PSORS1C1: variants seen among roughly 807,000 people sequenced by gnomAD.
PSORS1C1 encodes the protein psoriasis susceptibility 1 candidate gene 1 protein.
PSORS1C1 carries 7 observed loss-of-function variants against 9.4 expected under a neutral mutation model. The ratio of observed to expected loss-of-function variants is 0.75; its 90% CI spans 0.42 to 1.40. The LOEUF (loss-of-function observed/expected upper bound fraction) is 1.40, where lower values mean the gene tolerates loss of function less well. Ranked by LOEUF, PSORS1C1 falls within the 40% of genes most tolerant of loss-of-function variation. The pLI, the probability that PSORS1C1 is intolerant of heterozygous loss-of-function variation, is 0.01. For missense variants in PSORS1C1, 146 were observed against 178.1 expected (o/e 0.82, Z 1.02); for synonymous variants, 63 against 69.4 (o/e 0.91, Z 0.46).
intron 1 of PSORS1C1, chr6:31,116,691 A>G: frequency 6.2e-7 from 1 of 1,612,744 alleles, no homozygotes; most frequent in Non-Finnish European, 8.5e-7. Flanking sequence ...TCATGCCTGG[A>G]ACCAGATAAC....
intron 2 of PSORS1C1, among the ~76,000 whole-genome samples, chr6:31,127,448 A>G (rs941523659): frequency 6.6e-6 from 1 of 152,122 alleles, no homozygotes; most frequent in Non-Finnish European, 1.5e-5. Context: ...GGACTAGAAC[A>G]TCTTCACCAG....
chr6:31,138,977 G>C (rs1237583432), intron 5 of PSORS1C1, 198 bp downstream of exon 5: 8 of 1,613,868 alleles, frequency 5.0e-6, no homozygotes, highest in South Asian at 4.4e-5. Context: ...CTCACCTCTG[G>C]TGTGCAGGCA....
chr6:31,138,007 C>G, intron 3 of PSORS1C1: 2 of 1,519,208 alleles, frequency 1.3e-6, no homozygotes, highest in Non-Finnish European at 1.8e-6. Flanking sequence ...GGTCGGTTGT[C>G]CACCTCAGGG....
At chr6:31,127,561 A>AATTATTGTTATTATT (rs1554342597) in intron 2 of PSORS1C1, among the ~76,000 whole-genome samples, 2 of 141,590 alleles carry the variant, frequency 1.4e-5, no homozygotes, top group Admixed American at 1.4e-4. Context: ...AGGAGACAGG[A>AATTATTGTTATTATT]ATTATTATTA....
At chr6:31,131,466 G>A (rs1015088020) in intron 3 of PSORS1C1, among the ~76,000 whole-genome samples, 12 of 152,120 alleles carry the variant, frequency 7.9e-5, no homozygotes, top group Admixed American at 5.2e-4. Context: ...GTATGGTGGC[G>A]GGTGCCTGTA....
intron 1 of PSORS1C1, chr6:31,120,375 G>C (rs755757570): frequency 2.3e-5 from 36 of 1,594,032 alleles, no homozygotes; most frequent in Non-Finnish European, 3.0e-5. Flanking sequence ...CCATCATCCC[G>C]TGCCCACCCA....
chr6:31,121,386 G>A (rs1772455741), intron 1 of PSORS1C1, among the ~76,000 whole-genome samples: 1 of 152,190 alleles, frequency 6.6e-6, no homozygotes, highest in African/African-American at 2.4e-5. Flanking sequence ...TGAGCGAGCA[G>A]GAAGCAGCAG....
chr6:31,117,485 C>G (rs1195365921), intron 1 of PSORS1C1: 2 of 1,552,366 alleles, frequency 1.3e-6, no homozygotes, highest in East Asian at 4.9e-5. Context: ...CGCGTGGGGT[C>G]CTTACAAGGG....
intron 1 of PSORS1C1, among the ~76,000 whole-genome samples, chr6:31,121,344 C>T (rs1005160375): frequency 6.6e-6 from 1 of 152,164 alleles, no homozygotes; most frequent in African/African-American, 2.4e-5. Context: ...AAGGTGGTGG[C>T]CCCATAGCCC....
chr6:31,117,330 G>C (rs1474677106), intron 1 of PSORS1C1: 1 of 1,578,124 alleles, frequency 6.3e-7, no homozygotes, highest in Non-Finnish European at 8.6e-7. Flanking sequence ...GGGCAATGCT[G>C]GATCCGCTGG....
intron 3 of PSORS1C1, among the ~76,000 whole-genome samples, chr6:31,135,915 CA>C (rs1476884779): frequency 2.0e-5 from 3 of 151,976 alleles, no homozygotes; most frequent in Admixed American, 2.0e-4. Context: ...AAAAATTAGT[CA>C]GGGGTGGTGC....
rs192099949 is a variant in PSORS1C1 at position 31,128,520 on chromosome 6, G to T, written c.-64-1049G>T. Among the ~76,000 whole-genome samples the T allele has an allele frequency of 6.1e-4, 93 of 152,254 alleles. No individual in the cohort carries two copies. In the East Asian group the frequency reaches 7.9e-3, roughly 13 times the overall value. ...GTTGAGATTATACTGCAAAAGGAAA[G>T]GTGGGGATGGGGTGGGGACTGGGGA... On this transcript the variant is annotated intron_variant, in intron 2 of 5. Coordinates refer to ENST00000259881, the MANE Select transcript of PSORS1C1 (RefSeq NM_014068.3). This position sits in a 1 kb window ranked among gnomAD's most constrained non-coding sequence, Gnocchi z 4.3.
intron 1 of PSORS1C1, chr6:31,116,798 A>AG (rs1306367187): frequency 6.2e-7 from 1 of 1,613,706 alleles, no homozygotes. Context: ...CCATTGCTAC[A>AG]GGGGGGACCT....
intron 1 of PSORS1C1, chr6:31,120,321 C>T (rs374334424): frequency 2.4e-5 from 37 of 1,563,204 alleles, no homozygotes; most frequent in Non-Finnish European, 3.0e-5. Flanking sequence ...TTCCCAGGGC[C>T]CCCAGCCTCC....
Position 31,114,860 on chromosome 6 carries a change from TCATGACTCCCAGAGAGGATGG to T in PSORS1C1, c.-256_-236del, listed in dbSNP as rs368869192. On this transcript the variant is annotated 5_prime_UTR_variant, in exon 1 of 6. An upstream start codon of the reference 5' UTR is lost. Transcript: ENST00000259881. ...TCCCAGAAACCCAGGAAATCGAGAC[TCATGACTCCCAGAGAGGATGG>T]CATCTAGAAGGTGAGGAATGCTAAT... 4.1e-4 allele frequency: 185 copies of T among 454,266 alleles called. No individual in the cohort carries two copies. The highest frequency in any genetic ancestry group is 2.3e-3 in the African/African-American group (115 of 49,464). 28.1% of individuals were successfully genotyped at this position (454,266 alleles called of 1,614,324 possible).
chr6:31,120,574 G>T, intron 1 of PSORS1C1: 1 of 700,242 alleles, frequency 1.4e-6, no homozygotes, highest in Non-Finnish European at 2.5e-6. Flanking sequence ...GCCGGGAGGA[G>T]CGTGGTAATC....
At chr6:31,138,873 G>A in intron 5 of PSORS1C1, 94 bp downstream of exon 5, 1 of 1,602,484 alleles carries the variant, frequency 6.2e-7, no homozygotes, top group Non-Finnish European at 8.5e-7. Flanking sequence ...TGCGTCCCCT[G>A]AATTCCTGTC....
intron 3 of PSORS1C1, among the ~76,000 whole-genome samples, chr6:31,130,315 C>T (rs767326701): frequency 6.6e-6 from 1 of 150,886 alleles, no homozygotes; most frequent in Non-Finnish European, 1.5e-5. Context: ...TGCAGTGGTG[C>T]AATCATATCT....
rs1447839976 is a variant in PSORS1C1, at chr6:31,138,434, A to G, written c.18A>G (p.Gln6=). The G allele has an allele frequency of 1.9e-6, 3 of 1,612,656 alleles. No individual in the cohort carries two copies. In the South Asian group the frequency reaches 3.3e-5, roughly 18 times the overall value. Residue 6 remains glutamine, a synonymous_variant, in exon 4 of 6, where the codon CAA becomes CAG. Coordinates refer to ENST00000259881, the MANE Select transcript of PSORS1C1 (RefSeq NM_014068.3). ...CCTGAACTGACCCACAAACAGACCA[A>G]AAAAGTCACTCTCAAAGAGCTCTCG... MTCTD[Q]KSHSQRALGT... is the part of the protein sequence containing the mutation.
Sources: gnomAD v4.1 joint callset for allele counts (sites outside exome capture counted in the v4.1 genomes callset) on GRCh38, gnomAD v4.1.1 for gene constraint, Gnocchi (gnomAD v3.1) non-coding constraint, MANE v1.5 for transcripts, NCBI Gene and HGNC (gene_info 2026-07-23, HGNC 2026-07-21) for gene names.